Variants in SERPINF1 observed in about 807,000 individuals in gnomAD.
The protein encoded by SERPINF1 is pigment epithelium-derived factor.
In SERPINF1, 29 loss-of-function variants were observed where a neutral mutation model predicts 37.3. That is an observed-to-expected ratio of 0.78 (90% CI 0.58 to 1.06). The LOEUF (loss-of-function observed/expected upper bound fraction) is 1.06, where lower values mean the gene tolerates loss of function less well. SERPINF1 is among the 50% of genes least tolerant of loss of function. The pLI is 0.00. For synonymous variants in SERPINF1, 281 were observed against 227.9 expected (o/e 1.23, Z -2.10); for missense variants, 553 against 532.2 (o/e 1.04, Z -0.38).
intron 2 of SERPINF1, 104 bp from the exon 3 acceptor site, chr17:1,769,748 C>A: frequency 7.7e-7 from 1 of 1,294,642 alleles, no homozygotes; most frequent in Non-Finnish European, 1.1e-6. Context: ...AGGACAGCCC[C>A]AAGGGGCCAG....
In SERPINF1 at chr17:1,771,941, C is replaced by G. The variant is rs762383656; in HGVS notation, c.509C>G (p.Thr170Arg). The G allele has an allele frequency of 1.2e-6, 2 of 1,613,896 alleles. No individual in the cohort carries two copies. The highest frequency in any genetic ancestry group is 3.3e-5 in the Admixed American group (2 of 59,962). ...KSYGTRPRVL[T>R]GNPRLDLQEI... is the part of the protein sequence containing the mutation. ...TATGGGACCAGGCCCAGAGTCCTGA[C>G]GGGCAACCCTCGCTTGGACCTGCAA... The change falls in exon 5 of 8, where the codon ACG (threonine) becomes AGG (arginine). Residue 170 changes from threonine to arginine, a missense_variant. Thr to Arg is a moderately conservative substitution (Grantham distance 71). Coordinates refer to ENST00000254722, the MANE Select transcript of SERPINF1 (RefSeq NM_002615.7).
rs781065150 is a variant in SERPINF1 at position 1,771,877 on chromosome 17, C to T, written c.445C>T (p.Arg149Cys). The change falls in exon 5 of 8, where the codon CGC becomes TGC. Residue 149 changes from arginine to cysteine, a missense_variant. Transcript: ENST00000254722. ...ASRIVFEKKL[R>C]IKSSFVAPLE... Reference sequence around the variant, plus strand: ...TCTGCTCCGCCTCTTCTCAGAGCTGCGCATAAAATCCAGCTTTGTGGCACC... The same window carrying T: ...TCTGCTCCGCCTCTTCTCAGAGCTGTGCATAAAATCCAGCTTTGTGGCACC... The T allele has an allele frequency of 9.3e-6, 15 of 1,612,108 alleles. No homozygotes were observed. Among genetic ancestry groups the T allele is most frequent in the South Asian group, 6.6e-5 (6 of 91,044 alleles).
At chr17:1,765,054 G>T (rs1907288968) in intron 1 of SERPINF1, among the ~76,000 whole-genome samples, 1 of 151,708 alleles carries the variant, frequency 6.6e-6, no homozygotes, top group African/African-American at 2.4e-5. Flanking sequence ...ATGTTGGCCA[G>T]GATGGTCTCA....
At chr17:1,773,391 G>A (rs930947001) in intron 5 of SERPINF1, among the ~76,000 whole-genome samples, 3 of 152,058 alleles carry the variant, frequency 2.0e-5, no homozygotes, top group Admixed American at 6.6e-5. Flanking sequence ...GATTACAGGC[G>A]CCCGCCACCA....
At chr17:1,770,600 C>T (rs560370901) in intron 3 of SERPINF1, 1 of 257,344 alleles carries the variant, frequency 3.9e-6, no homozygotes, top group Non-Finnish European at 7.6e-6. Context: ...GCTGGGATTA[C>T]AGGCACCTGC....
At chr17:1,776,159 CCTGT>C (rs1213052786) in intron 6 of SERPINF1, among the ~76,000 whole-genome samples, 2 of 152,142 alleles carry the variant, frequency 1.3e-5, no homozygotes, top group Non-Finnish European at 2.9e-5. Flanking sequence ...CCCGGTTCTC[CCTGT>C]CTTAGTCCAG....
rs548719865 is a variant in SERPINF1 at position 1,773,509 on chromosome 17, C to T, written c.643+1434C>T. Among the ~76,000 whole-genome samples the T allele has an allele frequency of 5.9e-5, 9 of 152,152 alleles. No homozygotes were observed. In the East Asian group the frequency reaches 1.4e-3, roughly 23 times the overall value. On this transcript the variant is annotated intron_variant, in intron 5 of 7. Coordinates refer to ENST00000254722, the MANE Select transcript of SERPINF1 (RefSeq NM_002615.7). ...ATGATCCACCCGCCTCGGCCTCCCA[C>T]AGTGCTGGGATTACAGGCGTGAGCC...
At chr17:1,771,779 G>A in intron 4 of SERPINF1, 93 bp from the exon 5 acceptor site, 1 of 1,251,962 alleles carries the variant, frequency 8.0e-7, no homozygotes, top group Non-Finnish European at 1.1e-6. Context: ...GGCCTGCTGA[G>A]CGCTAAACCA....
At position 1,776,882 on chromosome 17, in the gene SERPINF1, C is replaced by T. The variant is rs1339662141; in HGVS notation, c.997+140C>T. The T allele has an allele frequency of 9.7e-6, 8 of 828,184 alleles. No homozygotes were observed. The Admixed American group carries it at 1.1e-4, about 12-fold the overall frequency. The allele number at this position is 828,184 out of a possible 1,614,324, so 51.3% of individuals were successfully genotyped here. A position where few individuals can be genotyped will look rare whatever the true frequency, so the allele number is the denominator to read the frequency against. On this transcript the variant is annotated intron_variant, in intron 7 of 7. Coordinates refer to ENST00000254722, the MANE Select transcript of SERPINF1 (RefSeq NM_002615.7). ...GGATGAGTCCTTAATCCTCATCGTGCCAGAAGGGAAGGCTGAACTGCCTTC... is the reference window on the plus strand; with the variant it reads ...GGATGAGTCCTTAATCCTCATCGTGTCAGAAGGGAAGGCTGAACTGCCTTC...
chr17:1,762,518 G>A (rs1193456557), intron 1 of SERPINF1, among the ~76,000 whole-genome samples: 3 of 152,298 alleles, frequency 2.0e-5, no homozygotes, highest in African/African-American at 4.8e-5. Context: ...TCCACCAAGG[G>A]CAGTCAGGAA....
chr17:1,765,621 A>G (rs1907326822), intron 1 of SERPINF1, among the ~76,000 whole-genome samples: 1 of 151,966 alleles, frequency 6.6e-6, no homozygotes, highest in Non-Finnish European at 1.5e-5. Flanking sequence ...TGTGCTCGGT[A>G]GTTGTTTTAT....
At chr17:1,772,647 C>A (rs1209021512) in intron 5 of SERPINF1, among the ~76,000 whole-genome samples, 1 of 151,912 alleles carries the variant, frequency 6.6e-6, no homozygotes, top group Non-Finnish European at 1.5e-5. Context: ...CAAGCTCTGC[C>A]TTCCAGGTTC....
intron 1 of SERPINF1, chr17:1,766,412 C>G (rs774381125): frequency 6.6e-6 from 1 of 151,888 alleles, no homozygotes; most frequent in Admixed American, 6.6e-5. Flanking sequence ...AAAAATTAGC[C>G]GGGCATGGTG....
rs138610575 is a variant in SERPINF1, at chr17:1,771,142, C to G, written c.397C>G (p.Gln133Glu). The change falls in exon 4 of 8, where the codon CAG (glutamine) becomes GAG (glutamate). Residue 133 changes from glutamine (Q) to glutamate (E), a missense_variant. By Grantham distance (29) the Gln-to-Glu change is conservative (BLOSUM62 2). Transcript: ENST00000254722. ...KELLDTVTAP[Q>E]KNLKSASRIV... ...GCTCCTTGACACGGTCACTGCCCCCCAGAAGAACCTCAAGAGTGCCTCCCG... is the reference window on the plus strand; with the variant it reads ...GCTCCTTGACACGGTCACTGCCCCCGAGAAGAACCTCAAGAGTGCCTCCCG... 26 of 1,614,116 alleles carry G rather than the reference C, an allele frequency of 1.6e-5. No individual in the cohort carries two copies. The South Asian group carries it at 1.9e-4, about 12-fold the overall frequency.
rs1165124510 is a variant in SERPINF1, at chr17:1,776,626, C to A, written c.881C>A (p.Thr294Asn). The change falls in exon 7 of 8, where the codon ACC becomes AAC. Residue 294 changes from threonine to asparagine, a missense_variant. Thr to Asn is a moderately conservative substitution (Grantham distance 65). Coordinates refer to ENST00000254722, the MANE Select transcript of SERPINF1 (RefSeq NM_002615.7). The part of the protein sequence containing the change: ...QNLTLIEESL[T>N]SEFIHDIDRE... ...TTGACCTTGATAGAGGAGAGCCTCACCTCCGAGTTCATTCATGACATAGAC... is the reference window on the plus strand; with the variant it reads ...TTGACCTTGATAGAGGAGAGCCTCAACTCCGAGTTCATTCATGACATAGAC... 1.2e-6 allele frequency: 2 copies of A among 1,613,940 alleles called. No homozygotes were observed. The highest frequency in any genetic ancestry group is 1.3e-5 in the African/African-American group (1 of 74,886).
chr17:1,766,870 A>C, intron 1 of SERPINF1, 33 bp from the exon 2 acceptor site: 1 of 1,539,132 alleles, frequency 6.5e-7, no homozygotes, highest in Non-Finnish European at 8.8e-7. Context: ...GTGTCGGGGG[A>C]GAGCGGCTTG....
chr17:1,776,214 G>A (rs1363356344), intron 6 of SERPINF1, among the ~76,000 whole-genome samples: 1 of 152,140 alleles, frequency 6.6e-6, no homozygotes, highest in African/African-American at 2.4e-5. Context: ...GTTGGCCGAT[G>A]GACTTTGGGA....
chr17:1,766,685 G>C (rs1597347064), intron 1 of SERPINF1: 4 of 568,164 alleles, frequency 7.0e-6, no homozygotes, highest in African/African-American at 5.6e-5. Flanking sequence ...CCCTGAGGCA[G>C]GGGGAGGGGC....
chr17:1,771,831 G>A (rs200747548), intron 4 of SERPINF1, 41 bp from the exon 5 acceptor site: 28 of 1,589,268 alleles, frequency 1.8e-5, no homozygotes, highest in South Asian at 1.2e-4. Flanking sequence ...GATGCTTGTC[G>A]TCGAGTCTCA....
Sources: allele counts gnomAD v4.1 joint callset (sites outside exome capture counted in the v4.1 genomes callset), GRCh38; gene constraint gnomAD v4.1.1; transcripts MANE v1.5; gene names NCBI Gene and HGNC (gene_info 2026-07-23, HGNC 2026-07-21).